Variants in MYO3B observed in about 807,000 individuals in gnomAD.
MYO3B encodes the protein myosin-IIIb.
MYO3B carries 156 observed loss-of-function variants against 174.6 expected under a neutral mutation model. That is an observed-to-expected ratio of 0.89 (90% confidence interval 0.78 to 1.02). MYO3B has a LOEUF of 1.02. Ranked by LOEUF, MYO3B falls within the 50% of genes least tolerant of loss-of-function variation. MYO3B has a pLI of 0.00. For missense variants in MYO3B, 1,632 were observed against 1,639.4 expected (o/e 1.00, Z 0.08); for synonymous variants, 563 against 569.1 (o/e 0.99, Z 0.15).
At chr2:170,639,816 C>G (rs1697822864) in intron 32 of MYO3B, among the ~76,000 whole-genome samples, 1 of 152,054 alleles carries the variant, frequency 6.6e-6, no homozygotes, top group African/African-American at 2.4e-5. Context: ...CCTCTGGAAA[C>G]CAGAGATAGT....
At chr2:170,349,214 C>G (rs2094041296) in intron 8 of MYO3B, among the ~76,000 whole-genome samples, 1 of 152,160 alleles carries the variant, frequency 6.6e-6, no homozygotes, top group Admixed American at 6.5e-5. Context: ...CCCTGACTTC[C>G]CCAGGAGGAC....
chr2:170,403,529 T>A (rs1353118797), intron 19 of MYO3B, among the ~76,000 whole-genome samples: 1 of 152,204 alleles, frequency 6.6e-6, no homozygotes. Flanking sequence ...ACCCAAGGGA[T>A]GGGGCTCTTT....
At chr2:170,187,819 A>T (rs2092485368) in intron 1 of MYO3B, among the ~76,000 whole-genome samples, 2 of 152,094 alleles carry the variant, frequency 1.3e-5, no homozygotes, top group Admixed American at 1.3e-4. Context: ...TTAATCCGTC[A>T]TGGTTGGAGA....
chr2:170,622,524 A>T (rs1192494293), intron 32 of MYO3B, among the ~76,000 whole-genome samples: 3 of 152,198 alleles, frequency 2.0e-5, no homozygotes, highest in Non-Finnish European at 4.4e-5. Flanking sequence ...TATGCCATTA[A>T]TATGCAAGGA....
At chr2:170,234,188 CAAAACAAAACA>C in intron 6 of MYO3B, among the ~76,000 whole-genome samples, 1 of 19,256 alleles carries the variant, frequency 5.2e-5, no homozygotes, top group South Asian at 9.2e-4. Context: ...AAAAAAAAAA[CAAAACAAAACA>C]AAAAAAAAAC....
chr2:170,575,695 C>T (rs1230092889), intron 32 of MYO3B, among the ~76,000 whole-genome samples: 2 of 152,210 alleles, frequency 1.3e-5, no homozygotes, highest in African/African-American at 4.8e-5. Flanking sequence ...TCAGTTACCT[C>T]TGGGTAACAA....
chr2:170,589,563 T>TA (rs1463715092), intron 32 of MYO3B, among the ~76,000 whole-genome samples: 4 of 152,160 alleles, frequency 2.6e-5, no homozygotes, highest in Middle Eastern at 3.4e-3. Context: ...GTTTTAAAAG[T>TA]AAAAAAAATT....
intron 25 of MYO3B, among the ~76,000 whole-genome samples, chr2:170,497,767 C>G (rs1381367627): frequency 3.3e-5 from 5 of 151,838 alleles, no homozygotes; most frequent in Non-Finnish European, 7.4e-5. Flanking sequence ...CAGCTGTGAA[C>G]TTGGATGGGT....
chr2:170,522,561 G>T (rs2106149176), intron 30 of MYO3B, among the ~76,000 whole-genome samples: 1 of 152,296 alleles, frequency 6.6e-6, no homozygotes, highest in African/African-American at 2.4e-5. Flanking sequence ...CTTGTTCAAA[G>T]AACTTTAATG....
At chr2:170,395,681 G>A (rs2094438982) in intron 16 of MYO3B, among the ~76,000 whole-genome samples, 1 of 152,154 alleles carries the variant, frequency 6.6e-6, no homozygotes, top group South Asian at 2.1e-4. Context: ...TTGGAACAGA[G>A]CCTGTGGGGA....
chr2:170,639,916 G>A (rs1697833571), intron 32 of MYO3B, among the ~76,000 whole-genome samples: 1 of 152,130 alleles, frequency 6.6e-6, no homozygotes, highest in South Asian at 2.1e-4. Context: ...TGTCTACTTT[G>A]GGCTCAAGCC....
intron 32 of MYO3B, among the ~76,000 whole-genome samples, chr2:170,588,313 C>T (rs562480247): frequency 6.6e-6 from 1 of 152,054 alleles, no homozygotes; most frequent in Non-Finnish European, 1.5e-5. Flanking sequence ...GTGGCACATA[C>T]CTGTAGTCCT....
chr2:170,310,733 G>C (rs190059731), intron 7 of MYO3B, among the ~76,000 whole-genome samples: 2 of 151,174 alleles, frequency 1.3e-5, no homozygotes, highest in South Asian at 2.1e-4. Flanking sequence ...CTTGAAGGTG[G>C]GGGATGGTTC....
At chr2:170,485,681 C>A (rs899879406) in intron 25 of MYO3B, among the ~76,000 whole-genome samples, 13 of 152,100 alleles carry the variant, frequency 8.5e-5, no homozygotes, top group African/African-American at 2.9e-4. Context: ...AATAAACAAT[C>A]CTAAATATTA....
intron 30 of MYO3B, among the ~76,000 whole-genome samples, chr2:170,534,407 G>T (rs945083552): frequency 2.0e-5 from 3 of 152,160 alleles, no homozygotes; most frequent in Non-Finnish European, 4.4e-5. Context: ...TATGTTTGTT[G>T]TTAGTCTGGA....
intron 3 of MYO3B, among the ~76,000 whole-genome samples, chr2:170,203,634 T>C (rs975132469): frequency 1.3e-5 from 2 of 152,200 alleles, no homozygotes; most frequent in East Asian, 1.9e-4. Context: ...CTGGAAGTGT[T>C]ACACATCAAA....
chr2:170,454,201 T>G (rs962890548), intron 23 of MYO3B, among the ~76,000 whole-genome samples: 1 of 152,210 alleles, frequency 6.6e-6, no homozygotes, highest in African/African-American at 2.4e-5. Flanking sequence ...AGAATCTTCC[T>G]GATTGAGGAG....
chr2:170,563,304 C>T (rs1174480882), intron 32 of MYO3B, among the ~76,000 whole-genome samples: 2 of 151,920 alleles, frequency 1.3e-5, no homozygotes, highest in African/African-American at 2.4e-5. Flanking sequence ...TCTCCAAGGA[C>T]CAATGAGAGT....
intron 28 of MYO3B, among the ~76,000 whole-genome samples, chr2:170,504,346 T>A (rs894425386): frequency 1.3e-5 from 2 of 152,258 alleles, no homozygotes; most frequent in Non-Finnish European, 2.9e-5. Context: ...TATATATTTT[T>A]AAAAGAGCGG....
Sources: gnomAD v4.1 joint callset for allele counts (sites outside exome capture counted in the v4.1 genomes callset) on GRCh38, gnomAD v4.1.1 for gene constraint, MANE v1.5 for transcripts, NCBI Gene and HGNC (gene_info 2026-07-23, HGNC 2026-07-21) for gene names.